The following ABLIM3 variants were observed in gnomAD, a reference collection of about 807,000 sequenced individuals.
ABLIM3 encodes actin-binding LIM protein 3.
In ABLIM3, 61 loss-of-function variants were observed where a neutral mutation model predicts 109.5. The observed-to-expected ratio is 0.56, with a 90% CI of 0.45 to 0.69. The LOEUF (loss-of-function observed/expected upper bound fraction) is 0.69, where lower values mean the gene tolerates loss of function less well. ABLIM3 is among the 30% of genes least tolerant of loss of function. ABLIM3 has a pLI of 0.00. For missense variants in ABLIM3, 796 were observed against 889.5 expected (o/e 0.89, Z 1.34); for synonymous variants, 300 against 324.8 (o/e 0.92, Z 0.82).
At chr5:149,194,523 A>G (rs1388751847) in intron 3 of ABLIM3, among the ~76,000 whole-genome samples, 1 of 152,236 alleles carries the variant, frequency 6.6e-6, no homozygotes, top group African/African-American at 2.4e-5. Flanking sequence ...AAAAACTGCA[A>G]GTAGCTCAAA....
chr5:149,229,571 C>T lies in ABLIM3; in HGVS notation c.758-1078C>T, dbSNP rs894529750. ...CCATCTCATCCCTTAGCTAGTATTCCGGTCCTGGGGGTTCCAGGCAACAAA... is the reference window on the plus strand; with the variant it reads ...CCATCTCATCCCTTAGCTAGTATTCTGGTCCTGGGGGTTCCAGGCAACAAA... On this transcript the variant is annotated intron_variant, in intron 8 of 23. Transcript: ENST00000309868. Among the ~76,000 whole-genome samples the T allele has an allele frequency of 3.3e-5, 5 of 152,202 alleles. No individual in the cohort carries two copies. The South Asian group carries it at 6.2e-4, about 19-fold the overall frequency.
chr5:149,249,854 A>G lies in ABLIM3; in HGVS notation c.1729+10A>G. On this transcript the variant is annotated intron_variant, in intron 19 of 23. Transcript: ENST00000309868. ...TACCTGGCTGACAGTGGTAAGTTCT[A>G]CCTGCCCTACCTTCAGCCCATCATG... 1 of 1,614,128 alleles carries G rather than the reference A, an allele frequency of 6.2e-7. No homozygotes were observed. Among genetic ancestry groups the G allele is most frequent in the South Asian group, 1.1e-5 (1 of 91,076 alleles).
At chr5:149,248,153 G>A (rs984436619) in intron 18 of ABLIM3, among the ~76,000 whole-genome samples, 3 of 152,224 alleles carry the variant, frequency 2.0e-5, no homozygotes, top group African/African-American at 7.2e-5. Context: ...TTATAAATTA[G>A]GTTCTATTGG....
At chr5:149,204,860 T>C (rs985141586) in intron 5 of ABLIM3, among the ~76,000 whole-genome samples, 5 of 152,240 alleles carry the variant, frequency 3.3e-5, no homozygotes, top group African/African-American at 1.2e-4. Context: ...ACCACTGCGC[T>C]GTACTCTCTC....
intron 2 of ABLIM3, among the ~76,000 whole-genome samples, chr5:149,163,769 G>A (rs1371860850): frequency 6.6e-6 from 1 of 152,154 alleles, no homozygotes; most frequent in Admixed American, 6.5e-5. Context: ...GGGTGAGAGA[G>A]ACAGGGACAG....
intron 6 of ABLIM3, among the ~76,000 whole-genome samples, chr5:149,208,561 G>C (rs1279076464): frequency 1.3e-5 from 2 of 152,070 alleles, no homozygotes; most frequent in African/African-American, 4.8e-5. Flanking sequence ...AGCAGAAAAA[G>C]AGGCCTCTTT....
chr5:149,242,451 C>A, intron 14 of ABLIM3, 40 bp from the exon 15 acceptor site: 1 of 1,602,364 alleles, frequency 6.2e-7, no homozygotes, highest in Non-Finnish European at 8.6e-7. Flanking sequence ...CTGTCTCTCT[C>A]TCTCCCCTCC....
At chr5:149,185,438 TG>T (rs1177359849) in intron 3 of ABLIM3, among the ~76,000 whole-genome samples, 1 of 152,194 alleles carries the variant, frequency 6.6e-6, no homozygotes, top group Non-Finnish European at 1.5e-5. Flanking sequence ...GTCCTGCTGT[TG>T]GCCAAAACAA....
chr5:149,193,459 A>T (rs1294161239), intron 3 of ABLIM3, among the ~76,000 whole-genome samples: 1 of 151,390 alleles, frequency 6.6e-6, no homozygotes, highest in Non-Finnish European at 1.5e-5. Context: ...CATAAGAAAG[A>T]CATTAAATAC....
rs565420174 is a variant in ABLIM3, at chr5:149,216,716, G to A, written c.670-243G>A. 2.2e-5 allele frequency: 11 copies of A among 495,690 alleles called. No individual in the cohort carries two copies. In the East Asian group the frequency reaches 3.5e-4, roughly 16 times the overall value. 30.7% of individuals were successfully genotyped at this position (495,690 alleles called of 1,614,324 possible). ...CTCTCAAGTGTCCTTCCCAGTGTCA[G>A]AATAGAAGAGCAGGTATTCAGGGAA... On this transcript the variant is annotated intron_variant, in intron 7 of 23. Coordinates refer to ENST00000309868, the MANE Select transcript of ABLIM3 (RefSeq NM_014945.5).
chr5:149,214,996 G>T (rs1464707088), intron 7 of ABLIM3, among the ~76,000 whole-genome samples: 1 of 152,176 alleles, frequency 6.6e-6, no homozygotes, highest in Admixed American at 6.5e-5. Flanking sequence ...AGCTGACGTG[G>T]CTTTTCCTTA....
chr5:149,198,014 A>G lies in ABLIM3; in HGVS notation c.152-205A>G, dbSNP rs766748585. ...CATTCTTTAAGGAATACTGGCCCCA[A>G]AGGCCTGTGAAGTCTGACATGCTAC... On this transcript the variant is annotated intron_variant, in intron 3 of 23. Transcript: ENST00000309868. The surrounding 1 kb of genome is among the most constrained non-coding windows in gnomAD (Gnocchi z 4.2). Among the ~76,000 whole-genome samples the G allele has an allele frequency of 1.3e-4, 19 of 149,044 alleles. No homozygotes were observed. Among genetic ancestry groups the G allele is most frequent in the Non-Finnish European group, 7.4e-5 (5 of 67,380 alleles).
intron 19 of ABLIM3, 137 bp downstream of exon 19, chr5:149,249,981 C>A: frequency 9.1e-7 from 1 of 1,103,188 alleles, no homozygotes; most frequent in Non-Finnish European, 1.4e-6. Context: ...TAGTCTACTC[C>A]ATTGTATTTG....
chr5:149,168,600 T>A (rs1198945203), intron 2 of ABLIM3, among the ~76,000 whole-genome samples: 1 of 152,168 alleles, frequency 6.6e-6, no homozygotes, highest in East Asian at 1.9e-4. Flanking sequence ...AGAAAAACCA[T>A]CTGCCAGGGC....
At chr5:149,211,164 T>TTATG (rs1274522511) in intron 7 of ABLIM3, among the ~76,000 whole-genome samples, 1 of 151,690 alleles carries the variant, frequency 6.6e-6, no homozygotes, top group African/African-American at 2.4e-5. Flanking sequence ...ATTTATTTAT[T>TTATG]TATTTAATTA....
At chr5:149,212,271 C>A (rs1445570579) in intron 7 of ABLIM3, among the ~76,000 whole-genome samples, 1 of 152,052 alleles carries the variant, frequency 6.6e-6, no homozygotes, top group African/African-American at 2.4e-5. Flanking sequence ...TTAAGCATCT[C>A]GAGAGCTGTA....
At chr5:149,239,669 T>C in intron 12 of ABLIM3, 90 bp from the exon 13 acceptor site, 1 of 1,491,360 alleles carries the variant, frequency 6.7e-7, no homozygotes. Context: ...GAATCCCAGA[T>C]TCCATGTCAT....
rs545895034 is a variant in ABLIM3 at position 149,259,461 on chromosome 5, C to T, written c.*1057C>T. ...CTCAAAGAAAGGTTCTTGGTCTATG[C>T]CTCTGGTCTGTGGGCTGGCAGGGCA... is the stretch of plus-strand genomic sequence containing the variant. On this transcript the variant is annotated 3_prime_UTR_variant, in exon 24 of 24. Transcript: ENST00000309868. 1.3e-6 allele frequency: 2 copies of T among 1,535,354 alleles called. No individual in the cohort carries two copies. The highest frequency in any genetic ancestry group is 2.7e-5 in the African/African-American group (2 of 73,152).
At chr5:149,156,252 G>A (rs945977467) in intron 2 of ABLIM3, among the ~76,000 whole-genome samples, 1 of 152,234 alleles carries the variant, frequency 6.6e-6, no homozygotes, top group South Asian at 2.1e-4. Flanking sequence ...GAATCAGACT[G>A]CCTGGGTCCA....
Sources: gnomAD v4.1 joint callset for allele counts (sites outside exome capture counted in the v4.1 genomes callset) on GRCh38, gnomAD v4.1.1 for gene constraint, Gnocchi (gnomAD v3.1) non-coding constraint, MANE v1.5 for transcripts, NCBI Gene and HGNC (gene_info 2026-07-23, HGNC 2026-07-21) for gene names.